Variants in ATG4A observed in about 807,000 individuals in gnomAD.
ATG4A encodes the protein autophagy related 4A cysteine peptidase, also known as cysteine protease ATG4A.
In ATG4A, 22 loss-of-function variants were observed where a neutral mutation model predicts 38.4. That is an observed-to-expected ratio of 0.57 (90% CI 0.41 to 0.82). The LOEUF (loss-of-function observed/expected upper bound fraction) is 0.82. Among genes scored for constraint, ATG4A ranks in the 40% least tolerant of loss-of-function variants. ATG4A has a pLI of 0.00. For missense variants in ATG4A, 220 were observed against 290.0 expected, an observed-to-expected ratio of 0.76 and a Z score of 1.75; for synonymous variants, 86 against 100.7, an observed-to-expected ratio of 0.85 and a Z score of 0.88.
intron 9 of ATG4A, among the ~76,000 whole-genome samples, chrX:108,141,074 A>ATATACG (rs2033271597): frequency 2.1e-4 from 4 of 19,028 alleles, no homozygotes; most frequent in African/African-American, 6.1e-4. Flanking sequence ...ATATATACAT[A>ATATACG]TATATATATA....
chrX:108,091,124 CT>C (rs1479904621), upstream of ATG4A, among the ~76,000 whole-genome samples: 1 of 113,593 alleles, frequency 8.8e-6, no homozygotes, highest in South Asian at 3.5e-4. Flanking sequence ...AAAAGCCTTC[CT>C]TTTCACTGAT....
In ATG4A at chrX:108,131,356, G is replaced by T; in HGVS notation, c.290G>T (p.Arg97Met). 8.3e-7 allele frequency: 1 copy of T among 1,209,616 alleles called. No individual in the cohort carries two copies. The highest frequency in any genetic ancestry group is 1.1e-6 in the Non-Finnish European group (1 of 893,701). Residue 97 changes from arginine (R) to methionine (M), a missense_variant and splice_region_variant, in exon 4 of 13, where the codon AGG (arginine) becomes ATG (methionine). Physicochemically the swap from Arg to Met is moderately conservative, Grantham distance 91. Around this residue, in one of 3 missense-constraint regions of ATG4A, gnomAD observed 61 missense variants for 83.3 expected, o/e 0.73. Coordinates refer to ENST00000372232, the MANE Select transcript of ATG4A (RefSeq NM_052936.5). ...GCCCTTATCTGTAGACACTTGGGAA[G>T]GGGTGAGTTAAATTTGTTTTATAAA... ...AQALICRHLGRDWSWEKQKEQ... is the reference protein window; with the variant it reads ...AQALICRHLGMDWSWEKQKEQ...
At chrX:108,129,379 A>C (rs1292407167) in intron 3 of ATG4A, among the ~76,000 whole-genome samples, 1 of 111,690 alleles carries the variant, frequency 9.0e-6, no homozygotes, top group Non-Finnish European at 1.9e-5. Context: ...CAATAGGTGA[A>C]GTGAATATGC....
chrX:108,112,906 T>C (rs1050261127), intron 1 of ATG4A, among the ~76,000 whole-genome samples: 7 of 108,921 alleles, frequency 6.4e-5, no homozygotes, highest in Admixed American at 2.9e-4. Context: ...TTTTTATGAT[T>C]TTTTTTTATC....
At chrX:108,150,365 C>T (rs2033556896) in intron 10 of ATG4A, 68 bp downstream of exon 10, 1 of 1,164,495 alleles carries the variant, frequency 8.6e-7, no homozygotes, top group East Asian at 3.0e-5. Flanking sequence ...GGGAGTTATC[C>T]AGATTGCTAG....
At chrX:108,104,917 C>A (rs1473979267) in intron 1 of ATG4A, among the ~76,000 whole-genome samples, 1 of 93,570 alleles carries the variant, frequency 1.1e-5, no homozygotes, top group Admixed American at 1.1e-4. Flanking sequence ...CTGTTTAATA[C>A]CTGTCATGTT....
At chrX:108,088,847 T>A (rs1179684712), upstream of ATG4A, 1 of 1,147,266 alleles carries the variant, frequency 8.7e-7, no homozygotes, top group East Asian at 3.0e-5. Flanking sequence ...GCAGTTCTGC[T>A]GTCCTACAGA....
rs190101988 is a variant in ATG4A at position 108,141,564 on chromosome X, G to T, written c.814+3373G>T. Among the ~76,000 whole-genome samples the T allele has an allele frequency of 2.4e-3, 263 of 111,612 alleles. 1 individual carries two copies. Among genetic ancestry groups the T allele is most frequent in the African/African-American group, 8.4e-3 (258 of 30,724 alleles). On this transcript the variant is annotated intron_variant, in intron 9 of 12. Transcript: ENST00000372232. ...TGCTCCCCCAGGGCCCTCCTGCCCAGTGGGAAGCTGAGAGAGCTCTAGGTG... is the reference window on the plus strand; with the variant it reads ...TGCTCCCCCAGGGCCCTCCTGCCCATTGGGAAGCTGAGAGAGCTCTAGGTG...
At position 108,137,186 on chromosome X, in the gene ATG4A, G is replaced by T; in HGVS notation, c.547+16G>T. On this transcript the variant is annotated intron_variant, in intron 7 of 12. Coordinates refer to ENST00000372232, the MANE Select transcript of ATG4A (RefSeq NM_052936.5). ...GAAGATATCAGTGAGTTACCAGCCT[G>T]TTTAACTTCCCAGCTGATGGGTGAT... 8.5e-7 allele frequency: 1 copy of T among 1,172,489 alleles called. No homozygotes were observed. The highest frequency in any genetic ancestry group is 1.2e-6 in the Non-Finnish European group (1 of 864,343).
chrX:108,109,788 A>C (rs994828956), intron 1 of ATG4A, among the ~76,000 whole-genome samples: 5 of 111,996 alleles, frequency 4.5e-5, no homozygotes, highest in African/African-American at 1.6e-4. Flanking sequence ...TGAATATGAC[A>C]GGGTTTATGT....
intron 1 of ATG4A, among the ~76,000 whole-genome samples, chrX:108,111,527 G>A: frequency 8.9e-6 from 1 of 111,787 alleles, no homozygotes; most frequent in Admixed American, 9.4e-5. Flanking sequence ...TGGCAGTACT[G>A]CATAAGGGTT....
chrX:108,129,964 T>C (rs904777134), intron 3 of ATG4A, among the ~76,000 whole-genome samples: 4 of 109,370 alleles, frequency 3.7e-5, no homozygotes, highest in African/African-American at 1.0e-4. Context: ...TTCTGAACTG[T>C]TAACTTTCTC....
upstream of ATG4A, chrX:108,091,362 C>A (rs761912858): frequency 3.5e-6 from 4 of 1,153,461 alleles, no homozygotes; most frequent in South Asian, 7.2e-5. Context: ...CCACGTAGGG[C>A]TTCGCCGACG....
chrX:108,153,849 C>A lies in ATG4A; in HGVS notation c.*137C>A, dbSNP rs2033646477. On this transcript the variant is annotated 3_prime_UTR_variant, in exon 13 of 13. Transcript: ENST00000372232. The stretch of plus-strand genomic sequence containing the variant: ...AAACTCAATAGCAATCATGACTGAG[C>A]CAATCACTGTTTCTCAGAAAAACAA... 2 of 463,541 alleles carry A rather than the reference C, an allele frequency of 4.3e-6. No individual in the cohort carries two copies. The highest frequency in any genetic ancestry group is 7.5e-6 in the Non-Finnish European group (2 of 266,331). 38.2% of individuals were successfully genotyped at this position (463,541 alleles called of 1,213,427 possible).
At chrX:108,123,016 G>A (rs935563308) in intron 1 of ATG4A, among the ~76,000 whole-genome samples, 1 of 112,246 alleles carries the variant, frequency 8.9e-6, no homozygotes, top group Non-Finnish European at 1.9e-5. Context: ...GTGGCTGAGT[G>A]TTGAAGACAT....
chrX:108,126,678 T>C, intron 2 of ATG4A: 1 of 824,266 alleles, frequency 1.2e-6, no homozygotes, highest in Middle Eastern at 3.5e-4. Context: ...TTTTAGATCT[T>C]TTGCTGACCG....
intron 1 of ATG4A, among the ~76,000 whole-genome samples, chrX:108,117,956 A>C (rs2032551968): frequency 8.9e-6 from 1 of 112,487 alleles, no homozygotes; most frequent in Non-Finnish European, 1.9e-5. Flanking sequence ...AAACACTACC[A>C]AGACAGAAGT....
At chrX:108,151,737 G>T in intron 10 of ATG4A, 65 bp from the exon 11 acceptor site, 1 of 1,102,257 alleles carries the variant, frequency 9.1e-7, no homozygotes, top group East Asian at 3.0e-5. Context: ...CTAATTCTGG[G>T]CCAACAGCTC....
At position 108,108,786 on chromosome X, in the gene ATG4A, G is replaced by A. The variant is rs138324849; in HGVS notation, c.10+16950G>A. 7.3e-3 allele frequency among the ~76,000 whole-genome samples: 814 copies of A among 111,327 alleles called. 4 individuals are homozygous for A. The highest frequency in any genetic ancestry group is 0.025 in the African/African-American group (781 of 30,666). The stretch of plus-strand genomic sequence containing the variant: ...CCATTTCCTCTTCCTTCCAGTCCCT[G>A]GCAACCACCCTTCTAATTTCTCTTT... On this transcript the variant is annotated intron_variant, in intron 1 of 12. Transcript: ENST00000372232.
Sources: allele counts gnomAD v4.1 joint callset (sites outside exome capture counted in the v4.1 genomes callset), GRCh38; gene constraint gnomAD v4.1.1; regional missense constraint gnomAD v4.1.1; transcripts MANE v1.5; gene names NCBI Gene and HGNC (gene_info 2026-07-23, HGNC 2026-07-21).